The following GPHN variants were observed in gnomAD, a reference collection of about 807,000 sequenced individuals.
The protein encoded by GPHN is gephyrin.
Under a neutral mutation model 95.5 loss-of-function variants are expected in GPHN, and 17 were observed. The observed-to-expected ratio is 0.18, with a 90% confidence interval of 0.12 to 0.27. The LOEUF (loss-of-function observed/expected upper bound fraction) is 0.27, where lower values mean the gene tolerates loss of function less well. Ranked by LOEUF, GPHN falls within the 10% of genes least tolerant of loss-of-function variation. The probability of loss-of-function intolerance (pLI) is 1.00; values close to 1 mark genes in which losing one functional copy is unlikely to be tolerated. For missense variants in GPHN, 660 were observed against 978.1 expected (o/e 0.67, Z 4.34); for synonymous variants, 320 against 322.5 (o/e 0.99, Z 0.08).
chr14:67,177,384 G>A (rs999352814), intron 21 of GPHN, among the ~76,000 whole-genome samples: 1 of 152,132 alleles, frequency 6.6e-6, no homozygotes, highest in Non-Finnish European at 1.5e-5. Context: ...GTAGTTGTGT[G>A]GTTTTGAGTA....
chr14:67,038,847 T>C (rs2074560984), intron 10 of GPHN, among the ~76,000 whole-genome samples: 1 of 152,162 alleles, frequency 6.6e-6, no homozygotes, highest in Non-Finnish European at 1.5e-5. Flanking sequence ...TGAAATCTCC[T>C]CATGATATTA....
intron 8 of GPHN, among the ~76,000 whole-genome samples, chr14:66,936,048 T>G (rs1002283405): frequency 7.9e-5 from 12 of 152,108 alleles, no homozygotes; most frequent in Admixed American, 2.6e-4. Flanking sequence ...GAAGACATTT[T>G]GGGAGGTGAC....
At chr14:67,601,941 G>A in the GPHN span, among the ~76,000 whole-genome samples, 1,111 of 150,944 alleles carry the variant, frequency 7.4e-3, 17 homozygotes, top group African/African-American at 0.025. Context: ...CTGATGAAAG[G>A]TTCCGTTTCT....
At chr14:67,068,665 T>A (rs1455487504) in intron 11 of GPHN, among the ~76,000 whole-genome samples, 1 of 152,222 alleles carries the variant, frequency 6.6e-6, no homozygotes, top group South Asian at 2.1e-4. Context: ...AGCTTTTTTA[T>A]TTAAGATTAC....
At chr14:66,548,525 A>G (rs1297963213) in intron 1 of GPHN, among the ~76,000 whole-genome samples, 3 of 152,208 alleles carry the variant, frequency 2.0e-5, no homozygotes, top group Non-Finnish European at 4.4e-5. Context: ...TGTCCATATA[A>G]TATGGTGAAC....
chr14:66,959,797 T>C (rs536901680), intron 8 of GPHN, among the ~76,000 whole-genome samples: 2 of 152,234 alleles, frequency 1.3e-5, no homozygotes, highest in South Asian at 4.1e-4. Context: ...TTTTTAGGCA[T>C]TGTTTCCTCA....
chr14:67,375,231 TCTGTGTG>T, the GPHN span, among the ~76,000 whole-genome samples: 1 of 126,534 alleles, frequency 7.9e-6, no homozygotes, highest in South Asian at 2.6e-4. Context: ...CATCCTCAGT[TCTGTGTG>T]TGTGTGTGTG....
At chr14:67,047,341 T>TGTGA (rs1385211926) in intron 10 of GPHN, among the ~76,000 whole-genome samples, 7 of 138,700 alleles carry the variant, frequency 5.0e-5, no homozygotes, top group Non-Finnish European at 9.6e-5. Context: ...TGTTTGTGTG[T>TGTGA]GTGTGTGTGT....
intron 1 of GPHN, among the ~76,000 whole-genome samples, chr14:66,663,287 A>T (rs985148805): frequency 2.0e-5 from 3 of 152,206 alleles, no homozygotes; most frequent in Non-Finnish European, 4.4e-5. Flanking sequence ...CTCAGCGGAA[A>T]CCCTACATGT....
intron 17 of GPHN, among the ~76,000 whole-genome samples, chr14:67,135,752 C>T (rs1010135622): frequency 6.6e-6 from 1 of 151,886 alleles, no homozygotes; most frequent in African/African-American, 2.4e-5. Flanking sequence ...CCAAGTCCAA[C>T]TCTTCTCAAA....
the GPHN span, chr14:67,202,908 A>G: frequency 5.0e-6 from 1 of 201,130 alleles, no homozygotes; most frequent in South Asian, 1.7e-4. Context: ...GTAGGCCCCC[A>G]TGGGTCAGAG....
intron 1 of GPHN, among the ~76,000 whole-genome samples, chr14:66,562,005 T>C (rs966927554): frequency 2.6e-5 from 4 of 152,150 alleles, no homozygotes; most frequent in African/African-American, 9.7e-5. Context: ...CCATTTGCCC[T>C]ATTCTCTTTC....
intron 1 of GPHN, among the ~76,000 whole-genome samples, chr14:66,629,181 A>ATATATAAATATGTATATAAATATAAAACG (rs2063669584): frequency 9.4e-6 from 1 of 106,926 alleles, no homozygotes; most frequent in African/African-American, 5.6e-5. Context: ...ATATATATAC[A>ATATATAAATATGTATATAAATATAAAACG]TATATAAATA....
At chr14:67,214,842 T>C in the GPHN span, among the ~76,000 whole-genome samples, 3 of 152,260 alleles carry the variant, frequency 2.0e-5, no homozygotes, top group East Asian at 3.9e-4. Flanking sequence ...TTGATTTCAT[T>C]GAGCAGTGGT....
At chr14:67,358,647 C>T in the GPHN span, among the ~76,000 whole-genome samples, 1 of 152,204 alleles carries the variant, frequency 6.6e-6, no homozygotes, top group East Asian at 1.9e-4. Context: ...CTGCTGTGAG[C>T]TCTGATCATA....
chr14:67,290,086 A>G, the GPHN span, among the ~76,000 whole-genome samples: 1 of 151,628 alleles, frequency 6.6e-6, no homozygotes, highest in African/African-American at 2.4e-5. Context: ...TGTCTTTTTT[A>G]TACTGTCTTT....
At chr14:66,647,404 A>T (rs889805891) in intron 1 of GPHN, among the ~76,000 whole-genome samples, 3 of 151,492 alleles carry the variant, frequency 2.0e-5, no homozygotes, top group Non-Finnish European at 4.4e-5. Context: ...TGTATTAAGG[A>T]TGTATAAATT....
At chr14:67,673,798 T>C in the GPHN span, among the ~76,000 whole-genome samples, 1 of 152,158 alleles carries the variant, frequency 6.6e-6, no homozygotes. Flanking sequence ...CAGACAGAAC[T>C]TGTAGCAACC....
intron 21 of GPHN, among the ~76,000 whole-genome samples, chr14:67,171,782 T>TCA (rs1243089963): frequency 3.3e-5 from 5 of 151,930 alleles, no homozygotes; most frequent in East Asian, 3.9e-4. Flanking sequence ...CTCAGGATGG[T>TCA]CACATCGAGA....
Sources: allele counts gnomAD v4.1 joint callset (sites outside exome capture counted in the v4.1 genomes callset), GRCh38; gene constraint gnomAD v4.1.1; transcripts MANE v1.5; gene names NCBI Gene and HGNC (gene_info 2026-07-23, HGNC 2026-07-21).